The following DPH6 variants were observed in gnomAD, a reference collection of about 807,000 sequenced individuals.
DPH6 encodes diphthamine biosynthesis 6.
DPH6 carries 33 observed loss-of-function variants against 38.2 expected under a neutral mutation model. The observed-to-expected ratio is 0.86, with a 90% confidence interval of 0.65 to 1.15. The LOEUF is 1.15. Among genes scored for constraint, DPH6 ranks in the 50% most tolerant of loss-of-function variants. The probability of loss-of-function intolerance (pLI) is 0.00; values close to 1 mark genes in which losing one functional copy is unlikely to be tolerated. For missense variants in DPH6, 325 were observed against 320.0 expected (o/e 1.02, Z -0.12); for synonymous variants, 108 against 103.0 (o/e 1.05, Z -0.30).
At chr15:35,328,307 A>C (rs2052301445), downstream of DPH6, among the ~76,000 whole-genome samples, 1 of 151,914 alleles carries the variant, frequency 6.6e-6, no homozygotes, top group African/African-American at 2.4e-5. Context: ...AACCCCTTTG[A>C]CACCTGGAAT....
intron 6 of DPH6, among the ~76,000 whole-genome samples, chr15:35,395,154 T>A (rs1175678018): frequency 6.6e-6 from 1 of 152,208 alleles, no homozygotes; most frequent in East Asian, 1.9e-4. Context: ...TGGATTAATC[T>A]TCAATTTTTT....
the DPH6 span, among the ~76,000 whole-genome samples, chr15:35,172,560 T>C: frequency 6.6e-6 from 1 of 152,224 alleles, no homozygotes; most frequent in African/African-American, 2.4e-5. Context: ...TCCTAAAGCA[T>C]ACAGAGCATC....
intron 7 of DPH6, among the ~76,000 whole-genome samples, chr15:35,376,560 A>G (rs1338424542): frequency 1.3e-5 from 2 of 152,152 alleles, no homozygotes; most frequent in African/African-American, 4.8e-5. Flanking sequence ...TAAAGTCTAC[A>G]GTAGTGTACA....
chr15:35,491,904 T>C (rs1193457951), intron 3 of DPH6, among the ~76,000 whole-genome samples: 3 of 151,810 alleles, frequency 2.0e-5, no homozygotes, highest in South Asian at 2.1e-4. Context: ...ATATCTCTTA[T>C]ATGTATCTAT....
intron 5 of DPH6, among the ~76,000 whole-genome samples, chr15:35,417,501 T>C (rs1246172922): frequency 7.1e-6 from 1 of 141,172 alleles, no homozygotes; most frequent in Non-Finnish European, 1.5e-5. Flanking sequence ...TTTAAATGGT[T>C]CAGAGAGAAA....
chr15:35,232,307 C>A (rs867678617), intron 3 of DPH6, among the ~76,000 whole-genome samples: 1 of 152,096 alleles, frequency 6.6e-6, no homozygotes, highest in Admixed American at 6.5e-5. Flanking sequence ...CAAGGCCAGG[C>A]GCGGTGGCTC....
At chr15:35,477,272 A>AT (rs962289280) in intron 3 of DPH6, among the ~76,000 whole-genome samples, 6 of 151,754 alleles carry the variant, frequency 4.0e-5, no homozygotes, top group South Asian at 2.1e-4. Flanking sequence ...CATTTTTTAG[A>AT]TTTTTTTGCT....
chr15:35,223,081 G>T (rs968907181), intron 3 of DPH6, among the ~76,000 whole-genome samples: 1 of 152,086 alleles, frequency 6.6e-6, no homozygotes, highest in African/African-American at 2.4e-5. Context: ...AGTTTGCTTT[G>T]TGCTGCTATA....
At chr15:35,449,253 T>C (rs2053898561) in intron 5 of DPH6, among the ~76,000 whole-genome samples, 1 of 152,084 alleles carries the variant, frequency 6.6e-6, no homozygotes, top group Non-Finnish European at 1.5e-5. Flanking sequence ...TATATTTTTG[T>C]TACTGAGATG....
chr15:35,486,810 A>G (rs1417815725), intron 3 of DPH6, among the ~76,000 whole-genome samples: 1 of 152,178 alleles, frequency 6.6e-6, no homozygotes, highest in Non-Finnish European at 1.5e-5. Flanking sequence ...GTCCAAGTCC[A>G]AAGTCTCATC....
chr15:35,353,355 A>G (rs533445585), intron 3 of DPH6, among the ~76,000 whole-genome samples: 385 of 152,340 alleles, frequency 2.5e-3, no homozygotes, highest in Non-Finnish European at 4.5e-3. Context: ...GTCCTTGCCC[A>G]TGCCTATGTG....
rs148690960 is a variant in DPH6, at chr15:35,228,910, G to T, written n.201-8328C>A. 1.0e-3 allele frequency among the ~76,000 whole-genome samples: 157 copies of T among 152,260 alleles called. 2 individuals are homozygous for T. The East Asian group carries it at 0.02, about 20-fold the overall frequency. ...GCCTGTAAGGTTTCCCTGAAAGTCT[G>T]CTCCAGGCATAGTGGAGCTCCATAG... On this transcript the variant is annotated intron_variant and non_coding_transcript_variant, in intron 3 of 3. Transcript: ENST00000560386.
At chr15:35,519,307 T>C (rs900174078) in intron 3 of DPH6, 1 of 151,904 alleles carries the variant, frequency 6.6e-6, no homozygotes, top group Admixed American at 6.6e-5. Flanking sequence ...CAGGAATAAA[T>C]AGAAGTCAAA....
At chr15:35,533,541 A>C (rs1434729583) in intron 3 of DPH6, among the ~76,000 whole-genome samples, 1 of 152,132 alleles carries the variant, frequency 6.6e-6, no homozygotes, top group Non-Finnish European at 1.5e-5. Context: ...AGAAACAGAA[A>C]ACAAAACAAA....
intron 5 of DPH6, among the ~76,000 whole-genome samples, chr15:35,425,772 TC>T (rs2053562206): frequency 1.4e-5 from 2 of 148,134 alleles, no homozygotes; most frequent in African/African-American, 5.0e-5. Flanking sequence ...AAGAAAGACA[TC>T]CTTTCCATGT....
intron 3 of DPH6, among the ~76,000 whole-genome samples, chr15:35,230,726 G>A (rs1190885035): frequency 1.3e-5 from 2 of 152,154 alleles, no homozygotes; most frequent in Admixed American, 1.3e-4. Flanking sequence ...AGCAGGTGAT[G>A]AATCCTGCCA....
chr15:35,343,844 A>G (rs2052441397), intron 3 of DPH6, among the ~76,000 whole-genome samples: 1 of 152,032 alleles, frequency 6.6e-6, no homozygotes, highest in Non-Finnish European at 1.5e-5. Context: ...AATTAAAAAT[A>G]AGGAAATATG....
chr15:35,508,680 C>T (rs2054728298), intron 3 of DPH6, among the ~76,000 whole-genome samples: 1 of 152,134 alleles, frequency 6.6e-6, no homozygotes, highest in Admixed American at 6.5e-5. Context: ...CTCCTAATCC[C>T]TTTTACTGCC....
chr15:35,294,721 TTAA>T (rs1464780970), intron 3 of DPH6, among the ~76,000 whole-genome samples: 1 of 152,176 alleles, frequency 6.6e-6, no homozygotes, highest in Non-Finnish European at 1.5e-5. Flanking sequence ...GGAGTCAAAC[TTAA>T]TAAAACAATC....
Sources: allele counts gnomAD v4.1 joint callset (sites outside exome capture counted in the v4.1 genomes callset), GRCh38; gene constraint gnomAD v4.1.1; transcripts MANE v1.5; gene names NCBI Gene and HGNC (gene_info 2026-07-23, HGNC 2026-07-21).